NEK1: variants seen among roughly 807,000 people sequenced by gnomAD.
NEK1 encodes serine/threonine-protein kinase Nek1.
Under a neutral mutation model 182.1 loss-of-function variants are expected in NEK1, and 137 were observed. The observed-to-expected ratio is 0.75, with a 90% CI of 0.65 to 0.87. The LOEUF (loss-of-function observed/expected upper bound fraction) is 0.87, where lower values mean the gene tolerates loss of function less well. NEK1 is among the 40% of genes least tolerant of loss of function. NEK1 has a pLI of 0.00. For missense variants in NEK1, 1,391 were observed against 1,494.4 expected (o/e 0.93, Z 1.14); for synonymous variants, 513 against 492.2 (o/e 1.04, Z -0.56).
intron 31 of NEK1, among the ~76,000 whole-genome samples, chr4:169,419,153 C>T (rs551646926): frequency 3.3e-5 from 5 of 151,980 alleles, no homozygotes; most frequent in African/African-American, 9.6e-5. Context: ...TGCTAGAAAC[C>T]AGTGATAAAA....
At chr4:169,550,423 T>C (rs1761250363) in intron 18 of NEK1, among the ~76,000 whole-genome samples, 1 of 152,144 alleles carries the variant, frequency 6.6e-6, no homozygotes, top group Non-Finnish European at 1.5e-5. Flanking sequence ...GGTACAACAG[T>C]TAAGTGAGTG....
intron 5 of NEK1, among the ~76,000 whole-genome samples, chr4:169,593,030 T>C (rs968917113): frequency 3.3e-5 from 5 of 152,174 alleles, no homozygotes; most frequent in African/African-American, 7.2e-5. Context: ...AAACCACTCA[T>C]GTCTCATTTC....
intron 27 of NEK1, 55 bp from the exon 28 acceptor site, chr4:169,438,314 C>T: frequency 1.4e-6 from 2 of 1,383,012 alleles, no homozygotes. Context: ...TGCATTTTAT[C>T]TGTAATGGCA....
intron 18 of NEK1, among the ~76,000 whole-genome samples, chr4:169,550,084 C>A (rs1239298761): frequency 2.0e-5 from 3 of 152,120 alleles, no homozygotes; most frequent in African/African-American, 4.8e-5. Context: ...TTGAAACTCC[C>A]ATAATTCCCA....
At chr4:169,587,294 AG>A (rs1489378392) in intron 9 of NEK1, among the ~76,000 whole-genome samples, 6 of 152,014 alleles carry the variant, frequency 3.9e-5, no homozygotes, top group Non-Finnish European at 7.4e-5. Flanking sequence ...TTTAACATTA[AG>A]AAAATAGCAA....
intron 23 of NEK1, 27 bp from the exon 24 acceptor site, chr4:169,479,561 A>C: frequency 6.5e-7 from 1 of 1,537,090 alleles, no homozygotes; most frequent in Non-Finnish European, 8.9e-7. Context: ...TATTAAATAC[A>C]TTAGGGATTT....
chr4:169,396,269 G>C (rs758924582), intron 35 of NEK1, among the ~76,000 whole-genome samples: 9 of 145,134 alleles, frequency 6.2e-5, no homozygotes, highest in Non-Finnish European at 1.2e-4. Flanking sequence ...GGGAGGGTGA[G>C]ACAGGAGAAT....
intron 12 of NEK1, among the ~76,000 whole-genome samples, chr4:169,570,796 A>G (rs147011826): frequency 3.9e-5 from 6 of 152,234 alleles, no homozygotes; most frequent in African/African-American, 1.4e-4. Flanking sequence ...TGTAGAAAGA[A>G]GTAGACATGG....
intron 27 of NEK1, among the ~76,000 whole-genome samples, chr4:169,445,944 T>C (rs944443712): frequency 6.6e-6 from 1 of 151,310 alleles, no homozygotes; most frequent in African/African-American, 2.4e-5. Flanking sequence ...TTTTTTGCAG[T>C]AAGATGGATA....
At chr4:169,522,030 G>A (rs1437008362) in intron 19 of NEK1, among the ~76,000 whole-genome samples, 1 of 151,968 alleles carries the variant, frequency 6.6e-6, no homozygotes, top group Non-Finnish European at 1.5e-5. Context: ...TTTTTGTATT[G>A]TCCTATAAAT....
chr4:169,500,456 T>C (rs996877436), intron 23 of NEK1, among the ~76,000 whole-genome samples: 1 of 152,210 alleles, frequency 6.6e-6, no homozygotes, highest in Non-Finnish European at 1.5e-5. Context: ...AGTACCTCAG[T>C]TGGAAATGCA....
At chr4:169,425,841 T>C (rs1363024604) in intron 30 of NEK1, among the ~76,000 whole-genome samples, 1 of 152,196 alleles carries the variant, frequency 6.6e-6, no homozygotes, top group African/African-American at 2.4e-5. Context: ...TTTTAACTAA[T>C]ACTATTTTAA....
intron 12 of NEK1, among the ~76,000 whole-genome samples, chr4:169,570,236 T>C (rs1285132990): frequency 1.3e-5 from 2 of 149,318 alleles, no homozygotes; most frequent in East Asian, 2.0e-4. Flanking sequence ...GTCTGAGAAG[T>C]GAGGAGACCC....
intron 24 of NEK1, among the ~76,000 whole-genome samples, chr4:169,478,034 TTC>T (rs1211330119): frequency 1.3e-5 from 2 of 151,972 alleles, no homozygotes; most frequent in Admixed American, 6.6e-5. Context: ...CAAAAATTAG[TTC>T]TGAGTCATTT....
At chr4:169,467,640 A>C (rs944933464) in intron 26 of NEK1, among the ~76,000 whole-genome samples, 7 of 152,212 alleles carry the variant, frequency 4.6e-5, no homozygotes, top group African/African-American at 1.7e-4. Flanking sequence ...AGATTTTTCA[A>C]CTTTACAATG....
chr4:169,450,424 A>C lies in NEK1; in HGVS notation c.2588-12165T>G, dbSNP rs1032585430. Among the ~76,000 whole-genome samples, 12 of 152,344 alleles carry C rather than the reference A, an allele frequency of 7.9e-5. 1 individual carries two copies. Among genetic ancestry groups the C allele is most frequent in the African/African-American group, 2.2e-4 (9 of 41,578 alleles). On this transcript the variant is annotated intron_variant, in intron 27 of 35. Transcript: ENST00000507142. ...GAAGGAAAAAGTATTAAGGGCAGCC[A>C]GAGAGAAAGGTCGAGTTACCCACAA... is the stretch of plus-strand genomic sequence containing the variant.
At chr4:169,588,343 G>A (rs147833555) in intron 8 of NEK1, among the ~76,000 whole-genome samples, 1 of 152,238 alleles carries the variant, frequency 6.6e-6, no homozygotes, top group East Asian at 1.9e-4. Context: ...CTGGCTTATA[G>A]TGTGTTCAAG....
At position 169,549,340 on chromosome 4, in the gene NEK1, C is replaced by T. The variant is rs141542757; in HGVS notation, c.1562+6380G>A. 4.5e-3 allele frequency among the ~76,000 whole-genome samples: 680 copies of T among 152,324 alleles called. 2 individuals are homozygous for T. Among genetic ancestry groups the T allele is most frequent in the African/African-American group, 0.015 (632 of 41,564 alleles). ...GAACTGGGTACCTCAGTTGGAAATG[C>T]AGGAATCACACGCCTTCTGTGCCGA... On this transcript the variant is annotated intron_variant, in intron 18 of 35. Coordinates refer to ENST00000507142, the MANE Select transcript of NEK1 (RefSeq NM_001199397.3).
chr4:169,471,792 GGCT>G (rs1003185883), intron 26 of NEK1, among the ~76,000 whole-genome samples: 2 of 152,072 alleles, frequency 1.3e-5, no homozygotes, highest in African/African-American at 4.8e-5. Context: ...TCCTGACTGG[GGCT>G]GCTACCTTTC....
Sources: gnomAD v4.1 joint callset for allele counts (sites outside exome capture counted in the v4.1 genomes callset) on GRCh38, gnomAD v4.1.1 for gene constraint, MANE v1.5 for transcripts, NCBI Gene and HGNC (gene_info 2026-07-23, HGNC 2026-07-21) for gene names.